COL5A3: variants seen among roughly 807,000 people sequenced by gnomAD.
The protein encoded by COL5A3 is collagen type V alpha 3 chain.
A neutral mutation model predicts 250.0 loss-of-function variants in COL5A3; 172 were observed. That is an observed-to-expected ratio of 0.69 (90% CI 0.61 to 0.78). COL5A3 has a LOEUF of 0.78. COL5A3 is among the 30% of genes least tolerant of loss of function. The pLI, the probability that COL5A3 is intolerant of heterozygous loss-of-function variation, is 0.00. For missense variants in COL5A3, 2,340 were observed against 2,334.4 expected (o/e 1.00, Z -0.05); for synonymous variants, 937 against 900.4 (o/e 1.04, Z -0.73).
Position 9,968,993 on chromosome 19 carries a change from C to T in COL5A3, c.4153-265G>A. 1.7e-6 allele frequency: 1 copy of T among 588,176 alleles called. No homozygotes were observed. Among genetic ancestry groups the T allele is most frequent in the South Asian group, 2.1e-5 (1 of 46,606 alleles). The allele number at this position is 588,176 out of a possible 1,614,324, so 36.4% of individuals were successfully genotyped here. On this transcript the variant is annotated intron_variant, in intron 57 of 66. Coordinates refer to ENST00000264828, the MANE Select transcript of COL5A3 (RefSeq NM_015719.4). This position sits in a 1 kb window ranked among gnomAD's most constrained non-coding sequence, Gnocchi z 4.1. ...AGACCATTAAGATGGAGAGTCAGTGCAGGCATCAAGATGAAGGGTCAGTGT... is the reference window on the plus strand; with the variant it reads ...AGACCATTAAGATGGAGAGTCAGTGTAGGCATCAAGATGAAGGGTCAGTGT...
At chr19:9,991,171 A>G (rs920100021) in intron 24 of COL5A3, among the ~76,000 whole-genome samples, 3 of 152,180 alleles carry the variant, frequency 2.0e-5, no homozygotes, top group African/African-American at 7.2e-5. Flanking sequence ...CGCCTGGGGA[A>G]GTCAAGGCTG....
Position 9,960,687 on chromosome 19 carries a change from TGTC to T in COL5A3, c.5052_5054del (p.Thr1685del), listed in dbSNP as rs1358770949. The stretch of plus-strand genomic sequence containing the variant: ...CCTGGGGGACGCTGACAGTGGCTGC[TGTC>T]GTCTGGTTGAAAGACAGCTCCTCTC... On this transcript the variant is annotated inframe_deletion, in exon 66 of 67. Transcript: ENST00000264828. The T allele has an allele frequency of 5.0e-6, 8 of 1,613,838 alleles. No homozygotes were observed. Among genetic ancestry groups the T allele is most frequent in the Non-Finnish European group, 6.8e-6 (8 of 1,180,002 alleles).
At chr19:9,994,899 A>G (rs906176297) in intron 16 of COL5A3, among the ~76,000 whole-genome samples, 1 of 151,852 alleles carries the variant, frequency 6.6e-6, no homozygotes. Flanking sequence ...TCATGGGACC[A>G]GCATCTTATT....
chr19:9,999,227 A>G (rs73504949), intron 8 of COL5A3, among the ~76,000 whole-genome samples: 2,867 of 132,380 alleles, frequency 0.022, 53 homozygotes, highest in Non-Finnish European at 0.027. Flanking sequence ...GGGTCACTCT[A>G]TTGCCCAGGC....
In COL5A3 at chr19:9,968,856, G is replaced by T; in HGVS notation, c.4153-128C>A. ...TGGGAATTACCAGGGATGAGGTCAA[G>T]GGATGGTCAGAGTAGGCCACCAAGG... On this transcript the variant is annotated intron_variant, in intron 57 of 66. Coordinates refer to ENST00000264828, the MANE Select transcript of COL5A3 (RefSeq NM_015719.4). This position sits in a 1 kb window ranked among gnomAD's most constrained non-coding sequence, Gnocchi z 4.1. The T allele has an allele frequency of 1.2e-6, 1 of 853,562 alleles. No individual in the cohort carries two copies. The allele number at this position is 853,562 out of a possible 1,614,324, so 52.9% of individuals were successfully genotyped here.
At chr19:9,995,904 A>G in intron 15 of COL5A3, 162 bp downstream of exon 15, 1 of 789,082 alleles carries the variant, frequency 1.3e-6, no homozygotes, top group Non-Finnish European at 2.0e-6. Context: ...TCGGCCTCCC[A>G]AAGTTCTGGG....
chr19:10,007,148 T>A (rs2087455632), intron 1 of COL5A3, among the ~76,000 whole-genome samples: 2 of 145,032 alleles, frequency 1.4e-5, no homozygotes, highest in African/African-American at 5.2e-5. Flanking sequence ...TCCCCTCTGA[T>A]CTCTCCTCTG....
intron 64 of COL5A3, among the ~76,000 whole-genome samples, chr19:9,965,602 G>A (rs907899871): frequency 2.0e-5 from 3 of 151,628 alleles, no homozygotes; most frequent in Admixed American, 6.6e-5. Context: ...ACAGGCGCCC[G>A]CCATCACGCT....
In COL5A3 at chr19:9,985,910, T is replaced by C. The variant is rs748517939; in HGVS notation, c.2353-15A>G. 1.9e-5 allele frequency: 30 copies of C among 1,613,806 alleles called. No homozygotes were observed. Among genetic ancestry groups the C allele is most frequent in the Non-Finnish European group, 2.5e-5 (29 of 1,179,934 alleles). ...CCAAGCTTGCCCTGCAGAAAGGTTA[T>C]GGGACAAAGGTCAGAAATTGCAACC... On this transcript the variant is annotated splice_polypyrimidine_tract_variant and intron_variant, in intron 30 of 66. Coordinates refer to ENST00000264828, the MANE Select transcript of COL5A3 (RefSeq NM_015719.4).
At chr19:9,986,019 G>C in intron 30 of COL5A3, 124 bp from the exon 31 acceptor site, 1 of 846,836 alleles carries the variant, frequency 1.2e-6, no homozygotes, top group South Asian at 1.5e-5. Context: ...CGAGGTTCAA[G>C]TCCTTGCTCC....
rs2087362685 is a variant in COL5A3, at chr19:10,001,635, C to T, written c.999G>A (p.Gly333=). ...SLDPDSGTEL[G]TLETKAARED... ...CCCTGGCTGCCTTGGTCTCCAGGGT[C>T]CCCAGCTCGGTTCCACTGTCAGGGT... The change falls in exon 8 of 67, where the codon GGG becomes GGA. Residue 333 remains glycine, a synonymous_variant. Coordinates refer to ENST00000264828, the MANE Select transcript of COL5A3 (RefSeq NM_015719.4). The T allele has an allele frequency of 6.2e-7, 1 of 1,613,886 alleles. No homozygotes were observed. The highest frequency in any genetic ancestry group is 1.3e-5 in the African/African-American group (1 of 74,856).
At position 9,979,409 on chromosome 19, in the gene COL5A3, T is replaced by G. The variant is rs747523076; in HGVS notation, c.2721A>C (p.Gln907His). ...CTGGTCCAGGCGGGCCTGTCTGACCTTGGAAGCCCTAGAGAGAAAAATTAA... is the reference window on the plus strand; with the variant it reads ...CTGGTCCAGGCGGGCCTGTCTGACCGTGGAAGCCCTAGAGAGAAAAATTAA... ...HPGQRGELGF[Q>H]GQTGPPGPAG... Residue 907 changes from glutamine (Q) to histidine (H), a missense_variant, in exon 38 of 67, where the codon CAA becomes CAC. Gln to His is a conservative substitution (Grantham distance 24). Coordinates refer to ENST00000264828, the MANE Select transcript of COL5A3 (RefSeq NM_015719.4). The G allele has an allele frequency of 1.4e-5, 22 of 1,613,972 alleles. No homozygotes were observed. Among genetic ancestry groups the G allele is most frequent in the Non-Finnish European group, 1.6e-5 (19 of 1,180,016 alleles).
intron 16 of COL5A3, among the ~76,000 whole-genome samples, 157 bp from the exon 17 acceptor site, chr19:9,993,963 C>T (rs1054034532): frequency 6.6e-6 from 1 of 151,920 alleles, no homozygotes; most frequent in Non-Finnish European, 1.5e-5. Flanking sequence ...TCTCAGCTCA[C>T]TGCAACCTCA....
rs150644862 is a variant in COL5A3 at position 9,986,603 on chromosome 19, C to T, written c.2194G>A (p.Glu732Lys). The T allele has an allele frequency of 1.2e-3, 2,000 of 1,613,976 alleles. 3 individuals are homozygous for T. Among genetic ancestry groups the T allele is most frequent in the Admixed American group, 1.9e-3 (113 of 59,982 alleles). ...GLQGEKGEKG[E>K]DGFPGFKGDV... ...CCCTTGAAGCCTGGGAAGCCGTCCTCTCCCTGGGTGGGAGAGACAGAGGCC... is the reference window on the plus strand; with the variant it reads ...CCCTTGAAGCCTGGGAAGCCGTCCTTTCCCTGGGTGGGAGAGACAGAGGCC... Residue 732 changes from glutamate to lysine, a missense_variant, in exon 29 of 67, where the codon GAG becomes AAG. Glu to Lys is a moderately conservative substitution (Grantham distance 56, BLOSUM62 1). This residue lies in a region of COL5A3 where 1,152 missense variants were observed against 1,146.3 expected (regional missense o/e 1.00). Coordinates refer to ENST00000264828, the MANE Select transcript of COL5A3 (RefSeq NM_015719.4).
chr19:9,994,741 G>A (rs185313601), intron 16 of COL5A3, among the ~76,000 whole-genome samples: 8 of 150,790 alleles, frequency 5.3e-5, no homozygotes, highest in South Asian at 2.1e-4. Context: ...CAGGCTATGC[G>A]GTATAACCTA....
chr19:9,980,765 C>T, intron 34 of COL5A3, 41 bp downstream of exon 34: 1 of 1,613,774 alleles, frequency 6.2e-7, no homozygotes, highest in Non-Finnish European at 8.5e-7. Context: ...ACTGGCTGAG[C>T]CTGGGGCATG....
At position 9,966,394 on chromosome 19, in the gene COL5A3, C is replaced by T. The variant is rs1279804523; in HGVS notation, c.4702G>A (p.Ala1568Thr). Reference protein sequence around the residue: ...EYWIDPNQGCARDSFRVFCNF... With the variant: ...EYWIDPNQGCTRDSFRVFCNF... ...CAAAAAACCCTGAACGAGTCCCGCGCGCAGCCCTGGTTGGGGTCAATCCAG... is the reference window on the plus strand; with the variant it reads ...CAAAAAACCCTGAACGAGTCCCGCGTGCAGCCCTGGTTGGGGTCAATCCAG... Residue 1568 changes from alanine to threonine, a missense_variant, in exon 64 of 67, where the codon GCG becomes ACG. Ala to Thr is a moderately conservative substitution (Grantham distance 58, BLOSUM62 0). Transcript: ENST00000264828. 3.1e-6 allele frequency: 5 copies of T among 1,608,792 alleles called. No homozygotes were observed. In the Admixed American group the frequency reaches 6.7e-5, roughly 22 times the overall value.
rs779062948 is a variant in COL5A3, at chr19:9,993,606, C to T, written c.1695+13G>A. ...GAGGGCTTAGACTTGGGGGAGGGACCTCACACACTCACCCTTTGGCCCTTC... is the reference window on the plus strand; with the variant it reads ...GAGGGCTTAGACTTGGGGGAGGGACTTCACACACTCACCCTTTGGCCCTTC... On this transcript the variant is annotated intron_variant, in intron 18 of 66. Coordinates refer to ENST00000264828, the MANE Select transcript of COL5A3 (RefSeq NM_015719.4). 4 of 1,613,786 alleles carry T rather than the reference C, an allele frequency of 2.5e-6. No individual in the cohort carries two copies. Among genetic ancestry groups the T allele is most frequent in the South Asian group, 2.2e-5 (2 of 91,056 alleles).
At chr19:9,969,457 ACCC>A in intron 56 of COL5A3, 55 bp from the exon 57 acceptor site, 2 of 1,529,006 alleles carry the variant, frequency 1.3e-6, no homozygotes, top group Non-Finnish European at 8.9e-7. Context: ...CACAGTGTGG[ACCC>A]CCCCCCGACC....
Sources: gnomAD v4.1 joint callset for allele counts (sites outside exome capture counted in the v4.1 genomes callset) on GRCh38, gnomAD v4.1.1 for gene constraint, gnomAD v4.1.1 regional missense constraint, Gnocchi (gnomAD v3.1) non-coding constraint, MANE v1.5 for transcripts, NCBI Gene and HGNC (gene_info 2026-07-23, HGNC 2026-07-21) for gene names.